The following SVIL variants were observed in gnomAD, a reference collection of about 807,000 sequenced individuals.
SVIL encodes the protein archvillin.
A neutral mutation model predicts 240.4 loss-of-function variants in SVIL; 101 were observed. The ratio of observed to expected loss-of-function variants is 0.42; its 90% CI spans 0.36 to 0.50. The LOEUF is 0.50. Ranked by LOEUF, SVIL falls within the 20% of genes least tolerant of loss-of-function variation. The pLI is 0.01. For synonymous variants in SVIL, 999 were observed against 1,100.0 expected, an observed-to-expected ratio of 0.91 and a Z score of 1.82; for missense variants, 2,512 against 2,818.7, an observed-to-expected ratio of 0.89 and a Z score of 2.46.
rs564066028 is a variant in SVIL at position 29,573,784 on chromosome 10, C to T, written c.-200-4472G>A. 1.6e-4 allele frequency among the ~76,000 whole-genome samples: 24 copies of T among 152,222 alleles called. 1 individual carries two copies. In the South Asian group the frequency reaches 3.1e-3, roughly 20 times the overall value. On this transcript the variant is annotated intron_variant, in intron 1 of 37. Coordinates refer to ENST00000355867, the MANE Select transcript of SVIL (RefSeq NM_021738.3). Reference sequence around the variant, plus strand: ...TCTCTTGGGTCACTACAACCTCCACCTCCCGGGTTCAAGCGATTCTCCTGC... The same window carrying T: ...TCTCTTGGGTCACTACAACCTCCACTTCCCGGGTTCAAGCGATTCTCCTGC...
At chr10:29,584,531 T>C (rs1956081747) in intron 1 of SVIL, among the ~76,000 whole-genome samples, 1 of 152,148 alleles carries the variant, frequency 6.6e-6, no homozygotes, top group Non-Finnish European at 1.5e-5. Context: ...CTATATAAAC[T>C]GCATGCCTTT....
intron 6 of SVIL, among the ~76,000 whole-genome samples, chr10:29,548,801 GTC>G (rs1287963121): frequency 6.6e-6 from 1 of 152,164 alleles, no homozygotes; most frequent in Non-Finnish European, 1.5e-5. Context: ...ACAATCATCA[GTC>G]TCTGATATGA....
intron 1 of SVIL, among the ~76,000 whole-genome samples, chr10:29,608,776 T>G (rs968108743): frequency 6.6e-6 from 1 of 152,144 alleles, no homozygotes; most frequent in African/African-American, 2.4e-5. Flanking sequence ...ATGGATGGCA[T>G]GTTGATGGCA....
chr10:29,577,581 T>C (rs1214174692), intron 1 of SVIL, among the ~76,000 whole-genome samples: 1 of 152,226 alleles, frequency 6.6e-6, no homozygotes, highest in Non-Finnish European at 1.5e-5. Context: ...ATCCACTTGT[T>C]GGTCTGTGGG....
intron 24 of SVIL, among the ~76,000 whole-genome samples, chr10:29,486,855 A>T (rs574349097): frequency 6.6e-6 from 1 of 152,254 alleles, no homozygotes; most frequent in Non-Finnish European, 1.5e-5. Flanking sequence ...CAACAGGTCT[A>T]TGGCAGAACT....
chr10:29,558,787 G>T (rs1954177353), intron 3 of SVIL, among the ~76,000 whole-genome samples: 1 of 151,176 alleles, frequency 6.6e-6, no homozygotes, highest in East Asian at 1.9e-4. Flanking sequence ...AATTAGCCAG[G>T]CCTGGTAGCA....
intron 1 of SVIL, among the ~76,000 whole-genome samples, chr10:29,717,386 T>C (rs1196651078): frequency 2.0e-5 from 3 of 152,004 alleles, no homozygotes; most frequent in Non-Finnish European, 4.4e-5. Context: ...GCAGGAGAAT[T>C]TATGTCAAAA....
intron 2 of SVIL, among the ~76,000 whole-genome samples, chr10:29,667,305 A>G (rs1959382256): frequency 2.6e-5 from 4 of 152,174 alleles, no homozygotes; most frequent in Admixed American, 1.3e-4. Flanking sequence ...TCAGCAACAA[A>G]AAGGAACTGC....
chr10:29,726,420 T>G (rs1002963667), intron 1 of SVIL, among the ~76,000 whole-genome samples: 2 of 152,142 alleles, frequency 1.3e-5, no homozygotes, highest in Non-Finnish European at 2.9e-5. Context: ...TCATTTGAGG[T>G]ACTTAACCTA....
intron 10 of SVIL, 25 bp downstream of exon 10, chr10:29,531,228 GA>G (rs752342977): frequency 1.2e-5 from 19 of 1,609,742 alleles, no homozygotes; most frequent in South Asian, 2.2e-5. Context: ...TAATAAAGAA[GA>G]AAAAAAAGGG....
intron 1 of SVIL, among the ~76,000 whole-genome samples, chr10:29,727,376 T>G (rs11007718): frequency 0.18 from 27,863 of 151,742 alleles, 3,218 homozygotes; most frequent in East Asian, 0.27. Context: ...GAATTCTGCC[T>G]CCTCAGCCTC....
chr10:29,498,183 C>T (rs1365478490), intron 18 of SVIL, among the ~76,000 whole-genome samples: 1 of 148,226 alleles, frequency 6.7e-6, no homozygotes, highest in Non-Finnish European at 1.5e-5. Context: ...TTTGGGAGGT[C>T]GAAGCGGGTG....
At chr10:29,643,917 G>T (rs1958572208) in intron 3 of SVIL, 1 of 502,310 alleles carries the variant, frequency 2.0e-6, no homozygotes, top group African/African-American at 1.9e-5. Flanking sequence ...CTTGCCAGGG[G>T]TGAGCCTGGA....
intron 1 of SVIL, among the ~76,000 whole-genome samples, chr10:29,574,509 A>AGGCCCTGGTG (rs373839035): frequency 4.1e-4 from 63 of 152,324 alleles, no homozygotes; most frequent in African/African-American, 1.5e-3. Flanking sequence ...CAAATGAATC[A>AGGCCCTGGTG]GGCCCTGGTG....
chr10:29,506,680 T>C (rs149490394), intron 17 of SVIL, among the ~76,000 whole-genome samples: 3,080 of 50,052 alleles, frequency 0.062, 131 homozygotes, highest in African/African-American at 0.17. Context: ...AGAGGCCCTA[T>C]GAGGGAGGGG....
Position 29,474,580 on chromosome 10 carries a change from G to A in SVIL, c.5378-591C>T, listed in dbSNP as rs1226935588. ...ACTGCACTCCAGCCTGGGTGACAGA[G>A]TGAGACTCTCTTACAAATAAATAAA... On this transcript the variant is annotated intron_variant, in intron 29 of 37. Transcript: ENST00000355867. 8.0e-5 allele frequency among the ~76,000 whole-genome samples: 12 copies of A among 149,978 alleles called. 1 individual carries two copies. In the Admixed American group the frequency reaches 8.1e-4, roughly 10 times the overall value.
chr10:29,620,358 G>C (rs114806527), intron 1 of SVIL, among the ~76,000 whole-genome samples: 1,670 of 152,030 alleles, frequency 0.011, 38 homozygotes, highest in African/African-American at 0.038. Context: ...AAGGGAAAGG[G>C]GGAGAGAGAG....
intron 35 of SVIL, 41 bp from the exon 36 acceptor site, chr10:29,462,442 G>A (rs747374517): frequency 1.9e-6 from 3 of 1,588,694 alleles, no homozygotes; most frequent in Non-Finnish European, 2.6e-6. Context: ...ACCCCAGGGA[G>A]ACCCTGTCTT....
intron 17 of SVIL, among the ~76,000 whole-genome samples, chr10:29,512,183 T>C (rs1949885370): frequency 2.0e-5 from 3 of 152,372 alleles, no homozygotes; most frequent in South Asian, 4.1e-4. Context: ...TGCTTGCTAG[T>C]ATTGATCACC....
Sources: gnomAD v4.1 joint callset for allele counts (sites outside exome capture counted in the v4.1 genomes callset) on GRCh38, gnomAD v4.1.1 for gene constraint, MANE v1.5 for transcripts, NCBI Gene and HGNC (gene_info 2026-07-23, HGNC 2026-07-21) for gene names.